WSB1: variants seen among roughly 807,000 people sequenced by gnomAD.
WSB1 encodes WD repeat and SOCS box-containing protein 1.
A neutral mutation model predicts 50.2 loss-of-function variants in WSB1; 23 were observed. That is an observed-to-expected ratio of 0.46 (90% confidence interval 0.33 to 0.65). WSB1 has a LOEUF of 0.65. WSB1 is among the 30% of genes least tolerant of loss of function. WSB1 has a pLI of 0.02. For synonymous variants in WSB1, 179 were observed against 172.0 expected (o/e 1.04, Z -0.32); for missense variants, 492 against 522.3 (o/e 0.94, Z 0.56).
chr17:27,301,673 C>T (rs2017235298), intron 1 of WSB1, 115 bp from the exon 2 acceptor site: 2 of 1,087,234 alleles, frequency 1.8e-6, no homozygotes, highest in Non-Finnish European at 1.3e-6. Flanking sequence ...GCAGAACTCA[C>T]TATACCCTGT....
chr17:27,314,101 G>A lies in WSB1; in HGVS notation c.*1732G>A, dbSNP rs2017786200. 1 of 152,148 alleles carries A rather than the reference G, an allele frequency of 6.6e-6. No homozygotes were observed. Among genetic ancestry groups the A allele is most frequent in the African/African-American group, 2.4e-5 (1 of 41,430 alleles). The allele number at this position is 152,148 out of a possible 1,614,324, so 9.4% of individuals were successfully genotyped here. On this transcript the variant is annotated 3_prime_UTR_variant, in exon 9 of 9. Transcript: ENST00000262394. Reference sequence around the variant, plus strand: ...CCTATGGTTAGCTCTGTTAAGGAATGTAAAAATTTATAGGGGGTGTAGGGT... The same window carrying A: ...CCTATGGTTAGCTCTGTTAAGGAATATAAAAATTTATAGGGGGTGTAGGGT...
At chr17:27,308,851 A>G (rs1178491813) in intron 5 of WSB1, 12 of 1,097,558 alleles carry the variant, frequency 1.1e-5, no homozygotes, top group Non-Finnish European at 1.3e-5. Flanking sequence ...CATTGCCTTT[A>G]TTTTATGTTT....
At chr17:27,310,201 GACTT>G in intron 7 of WSB1, 27 bp downstream of exon 7, 3 of 1,595,336 alleles carry the variant, frequency 1.9e-6, no homozygotes, top group Non-Finnish European at 2.6e-6. Flanking sequence ...TAGCTTGACT[GACTT>G]ACTATTACCT....
chr17:27,304,516 T>C (rs1305117225), intron 3 of WSB1, among the ~76,000 whole-genome samples: 3 of 108,808 alleles, frequency 2.8e-5, no homozygotes, highest in Non-Finnish European at 5.0e-5. Flanking sequence ...CTGGGCAACA[T>C]AGTGAGACTC....
intron 1 of WSB1, 45 bp downstream of exon 1, chr17:27,294,480 G>T: frequency 6.2e-7 from 1 of 1,608,974 alleles, no homozygotes; most frequent in East Asian, 2.2e-5. Flanking sequence ...CCGAGGAGAG[G>T]CAGGGACTCC....
At position 27,313,040 on chromosome 17, in the gene WSB1, C is replaced by CA. The variant is rs757458208; in HGVS notation, c.*686dup. 0.015 allele frequency: 1,983 copies of CA among 130,038 alleles called. 37 individuals are homozygous for CA. The highest frequency in any genetic ancestry group is 0.049 in the African/African-American group (1,735 of 35,430). 8.1% of individuals were successfully genotyped at this position (130,038 alleles called of 1,614,324 possible). A position where few individuals can be genotyped will look rare whatever the true frequency, so the allele number is the denominator to read the frequency against. On this transcript the variant is annotated 3_prime_UTR_variant, in exon 9 of 9. Transcript: ENST00000262394. ...TGGACAACAGAGCGAGACTCCATCTCAAAAAAAAAAAAAAATTGTGTTGCC... is the reference window on the plus strand; with the variant it reads ...TGGACAACAGAGCGAGACTCCATCTCAAAAAAAAAAAAAAAATTGTGTTGCC...
At chr17:27,301,181 C>T (rs2017214462) in intron 1 of WSB1, among the ~76,000 whole-genome samples, 1 of 152,080 alleles carries the variant, frequency 6.6e-6, no homozygotes, top group Non-Finnish European at 1.5e-5. Context: ...GCCTATAATG[C>T]CTTTTTAAAG....
At position 27,306,717 on chromosome 17, in the gene WSB1, G is replaced by A; in HGVS notation, c.611-65G>A. The A allele has an allele frequency of 5.3e-6, 8 of 1,519,938 alleles. No individual in the cohort carries two copies. The East Asian group carries it at 1.1e-4, about 21-fold the overall frequency. The allele number at this position is 1,519,938 out of a possible 1,614,324, so 94.2% of individuals were successfully genotyped here. A position where few individuals can be genotyped will look rare whatever the true frequency, so the allele number is the denominator to read the frequency against. ...GTTTGTGATCCTTTGCTTTACTGCT[G>A]TTTTGAAATACTGCTCATTTGAAGT... On this transcript the variant is annotated intron_variant, in intron 4 of 8. Transcript: ENST00000262394.
intron 2 of WSB1, among the ~76,000 whole-genome samples, chr17:27,302,188 A>T (rs923461298): frequency 4.6e-5 from 7 of 152,172 alleles, no homozygotes; most frequent in African/African-American, 1.7e-4. Context: ...AGGCAGGCAG[A>T]TCACTTGAGG....
chr17:27,302,308 G>A (rs2017264379), intron 2 of WSB1: 1 of 158,678 alleles, frequency 6.3e-6, no homozygotes, highest in African/African-American at 2.4e-5. Context: ...CTACTCGGGA[G>A]GCTGAGGCAG....
intron 7 of WSB1, among the ~76,000 whole-genome samples, chr17:27,311,293 G>C (rs916729832): frequency 2.6e-5 from 4 of 152,190 alleles, no homozygotes; most frequent in African/African-American, 9.7e-5. Context: ...GCCATGCATT[G>C]TAGTCTCTTA....
rs549770437 is a variant in WSB1 at position 27,309,069 on chromosome 17, T to G, written c.712-31T>G. ...CCATTTTGTCCTCTGTATGTCTGAA[T>G]GAAGCTATAACATTTGCCTTTTTAT... On this transcript the variant is annotated intron_variant, in intron 5 of 8. Transcript: ENST00000262394. The G allele has an allele frequency of 4.0e-5, 63 of 1,570,186 alleles. 1 individual carries two copies. In the South Asian group the frequency reaches 7.1e-4, roughly 18 times the overall value.
chr17:27,310,961 T>A (rs964264667), intron 7 of WSB1, among the ~76,000 whole-genome samples: 14 of 152,112 alleles, frequency 9.2e-5, no homozygotes, highest in African/African-American at 3.1e-4. Context: ...TCCTCCCACC[T>A]CAGCCTTCCG....
At chr17:27,301,176 T>TCA (rs925131351) in intron 1 of WSB1, among the ~76,000 whole-genome samples, 10 of 152,284 alleles carry the variant, frequency 6.6e-5, no homozygotes, top group African/African-American at 2.4e-4. Flanking sequence ...ACGCGGCCTA[T>TCA]AATGCCTTTT....
chr17:27,310,228 A>G, intron 7 of WSB1, 54 bp downstream of exon 7: 1 of 1,518,378 alleles, frequency 6.6e-7, no homozygotes, highest in Non-Finnish European at 9.1e-7. Flanking sequence ...TACATTCTTA[A>G]GCCTTAAAGC....
At chr17:27,307,109 ATC>A (rs1567690010) in intron 5 of WSB1, 6 of 505,962 alleles carry the variant, frequency 1.2e-5, no homozygotes, top group Non-Finnish European at 2.1e-5. Context: ...TAATGGGCAT[ATC>A]AGGGTTTTTT....
chr17:27,313,793 G>A lies in WSB1; in HGVS notation c.*1424G>A, dbSNP rs1356712295. ...CTAGAATTCATTCAGGGCTCCCCGA[G>A]TGCAGCAGCTCTTATGGTGGTTTTG... is the stretch of plus-strand genomic sequence containing the variant. On this transcript the variant is annotated 3_prime_UTR_variant, in exon 9 of 9. Coordinates refer to ENST00000262394, the MANE Select transcript of WSB1 (RefSeq NM_015626.10). 6.6e-6 allele frequency: 1 copy of A among 152,214 alleles called. No individual in the cohort carries two copies. Among genetic ancestry groups the A allele is most frequent in the African/African-American group, 2.4e-5 (1 of 41,446 alleles). The allele number at this position is 152,214 out of a possible 1,614,324, so 9.4% of individuals were successfully genotyped here.
Position 27,309,061 on chromosome 17 carries a change from T to G in WSB1, c.712-39T>G, listed in dbSNP as rs769809843. 6.4e-6 allele frequency: 10 copies of G among 1,556,996 alleles called. No individual in the cohort carries two copies. The Admixed American group carries it at 1.9e-4, about 29-fold the overall frequency. ...AAGATGTGCCATTTTGTCCTCTGTA[T>G]GTCTGAATGAAGCTATAACATTTGC... On this transcript the variant is annotated intron_variant, in intron 5 of 8. Coordinates refer to ENST00000262394, the MANE Select transcript of WSB1 (RefSeq NM_015626.10).
intron 1 of WSB1, among the ~76,000 whole-genome samples, chr17:27,299,443 C>G (rs2017131418): frequency 6.6e-6 from 1 of 152,152 alleles, no homozygotes; most frequent in African/African-American, 2.4e-5. Flanking sequence ...CCTGGGAGTT[C>G]AAGGCTACAG....
Sources: gnomAD v4.1 joint callset for allele counts (sites outside exome capture counted in the v4.1 genomes callset) on GRCh38, gnomAD v4.1.1 for gene constraint, MANE v1.5 for transcripts, NCBI Gene and HGNC (gene_info 2026-07-23, HGNC 2026-07-21) for gene names.